Variants in CSMD1 observed in about 807,000 individuals in gnomAD.
The protein encoded by CSMD1 is CUB and sushi domain-containing protein 1.
CSMD1 carries 213 observed loss-of-function variants against 417.5 expected under a neutral mutation model. The observed-to-expected ratio is 0.51, with a 90% CI of 0.46 to 0.57. The LOEUF (loss-of-function observed/expected upper bound fraction) is 0.57. CSMD1 is among the 20% of genes least tolerant of loss of function. CSMD1 has a pLI of 0.00. For missense variants in CSMD1, 6,923 were observed against 4,529.7 expected (o/e 1.53, Z -15.17); for synonymous variants, 2,862 against 1,736.8 (o/e 1.65, Z -16.11).
intron 1 of CSMD1, among the ~76,000 whole-genome samples, chr8:4,742,590 T>C (rs528648539): frequency 2.0e-5 from 3 of 152,270 alleles, no homozygotes; most frequent in African/African-American, 7.2e-5. Flanking sequence ...TAGCCATTAT[T>C]ATTTGTAAGT....
intron 3 of CSMD1, among the ~76,000 whole-genome samples, chr8:4,286,969 A>G (rs999623867): frequency 6.6e-6 from 1 of 152,218 alleles, no homozygotes; most frequent in Non-Finnish European, 1.5e-5. Flanking sequence ...CAGCTGAAGG[A>G]GGCTGACATC....
rs1007841335 is a variant in CSMD1 at position 3,091,406 on chromosome 8, A to C, written c.7285+110T>G. The C allele has an allele frequency of 3.4e-5, 25 of 739,154 alleles. No homozygotes were observed. The Admixed American group carries it at 6.1e-4, about 18-fold the overall frequency. The allele number at this position is 739,154 out of a possible 1,614,324, so 45.8% of individuals were successfully genotyped here. ...ATATTTCTACTGTAGTTAATTATTA[A>C]TCTTTAAGAATTAGGATTATACTAT... is the stretch of plus-strand genomic sequence containing the variant. On this transcript the variant is annotated intron_variant, in intron 48 of 69. Transcript: ENST00000635120.
chr8:3,599,125 C>CTGTGTGTGTGTGTG (rs143211609), intron 8 of CSMD1, among the ~76,000 whole-genome samples: 30 of 144,606 alleles, frequency 2.1e-4, no homozygotes, highest in African/African-American at 7.1e-4. Context: ...TTGCTTACTG[C>CTGTGTGTGTGTGTG]TGTGTGTGTG....
intron 5 of CSMD1, among the ~76,000 whole-genome samples, chr8:3,971,656 G>A (rs1309762089): frequency 6.6e-6 from 1 of 152,174 alleles, no homozygotes; most frequent in South Asian, 2.1e-4. Context: ...ATCCTGATCC[G>A]TGTGGAACAT....
intron 7 of CSMD1, among the ~76,000 whole-genome samples, chr8:3,667,316 A>T (rs1798745117): frequency 6.6e-6 from 1 of 152,152 alleles, no homozygotes; most frequent in Non-Finnish European, 1.5e-5. Flanking sequence ...AGATAAAAAG[A>T]GAGTGAAGGG....
intron 3 of CSMD1, among the ~76,000 whole-genome samples, chr8:4,205,661 T>C (rs1485863160): frequency 6.6e-6 from 1 of 151,998 alleles, no homozygotes; most frequent in Non-Finnish European, 1.5e-5. Flanking sequence ...GTAACGGCTG[T>C]TGTGGCTCAT....
chr8:3,367,360 G>C (rs1485131141), intron 19 of CSMD1, 113 bp from the exon 20 acceptor site: 3 of 667,058 alleles, frequency 4.5e-6, no homozygotes, highest in Non-Finnish European at 7.8e-6. Flanking sequence ...GACAGAGATG[G>C]AGAGGAAGAG....
intron 3 of CSMD1, among the ~76,000 whole-genome samples, chr8:4,257,266 C>T (rs926195387): frequency 2.6e-5 from 4 of 152,128 alleles, no homozygotes; most frequent in African/African-American, 9.7e-5. Context: ...TTATACCAGT[C>T]TTTCTGTACC....
chr8:4,647,489 T>C (rs1279893203), intron 1 of CSMD1, among the ~76,000 whole-genome samples: 30 of 129,922 alleles, frequency 2.3e-4, no homozygotes, highest in African/African-American at 8.1e-4. Flanking sequence ...TGTGCCATGG[T>C]GGTTTGTTAC....
intron 2 of CSMD1, among the ~76,000 whole-genome samples, chr8:4,444,038 T>C (rs1002719440): frequency 6.6e-6 from 1 of 151,996 alleles, no homozygotes; most frequent in African/African-American, 2.4e-5. Context: ...CACACTATCT[T>C]TGAGAAGAGT....
At chr8:4,514,620 G>A (rs572147379) in intron 2 of CSMD1, among the ~76,000 whole-genome samples, 1 of 152,238 alleles carries the variant, frequency 6.6e-6, no homozygotes, top group African/African-American at 2.4e-5. Flanking sequence ...GGTTTTTAAA[G>A]TTTTTATAAA....
At chr8:4,297,500 C>A (rs1225268224) in intron 3 of CSMD1, among the ~76,000 whole-genome samples, 1 of 152,164 alleles carries the variant, frequency 6.6e-6, no homozygotes, top group Non-Finnish European at 1.5e-5. Flanking sequence ...AAGTTACATT[C>A]AGGCCATTTT....
At position 4,923,423 on chromosome 8, in the gene CSMD1, G is replaced by A. The variant is rs183270185; in HGVS notation, c.85+70909C>T. Among the ~76,000 whole-genome samples the A allele has an allele frequency of 2.5e-3, 374 of 152,200 alleles. 1 individual carries two copies. The highest frequency in any genetic ancestry group is 4.1e-3 in the Non-Finnish European group (276 of 68,002). ...TACTCAAAGGATAAATGTTGGAGGG[G>A]ATGGATATACATTCTCCATGGTGTG... On this transcript the variant is annotated intron_variant, in intron 1 of 69. Coordinates refer to ENST00000635120, the MANE Select transcript of CSMD1 (RefSeq NM_033225.6).
chr8:2,973,029 G>C (rs2128933401), intron 57 of CSMD1, 88 bp downstream of exon 57: 1 of 1,292,442 alleles, frequency 7.7e-7, no homozygotes. Flanking sequence ...CAAACCTCTA[G>C]AATTTTTGTA....
rs1262857858 is a variant in CSMD1, at chr8:3,772,364, C to CATATATACATATATTT, written c.819-18323_819-18322insAAATATATGTATATAT. Among the ~76,000 whole-genome samples, 51 of 107,556 alleles carry CATATATACATATATTT rather than the reference C, an allele frequency of 4.7e-4. 7 individuals are homozygous for CATATATACATATATTT. Among genetic ancestry groups the CATATATACATATATTT allele is most frequent in the Non-Finnish European group, 7.8e-4 (41 of 52,268 alleles). 70.6% of individuals were successfully genotyped at this position (107,556 alleles called of 152,430 possible). ...ACATATATACATATATTTATATATA[C>CATATATACATATATTT]ATATATACATATATTCATATATTTA... On this transcript the variant is annotated intron_variant, in intron 5 of 69. Transcript: ENST00000635120.
chr8:4,697,324 T>G (rs186777741), intron 1 of CSMD1, among the ~76,000 whole-genome samples: 17 of 152,276 alleles, frequency 1.1e-4, no homozygotes, highest in Admixed American at 9.8e-4. Context: ...ATTGCCCTTC[T>G]CACCAAAAGT....
chr8:3,774,119 C>G (rs1165148064), intron 5 of CSMD1, among the ~76,000 whole-genome samples: 1 of 152,180 alleles, frequency 6.6e-6, no homozygotes, highest in East Asian at 1.9e-4. Flanking sequence ...CCCATTCCCT[C>G]TTAGGTTTGA....
At chr8:4,160,761 C>A (rs573826613) in intron 3 of CSMD1, among the ~76,000 whole-genome samples, 147 of 152,300 alleles carry the variant, frequency 9.7e-4, no homozygotes, top group African/African-American at 3.4e-3. Flanking sequence ...TTTACTCAGT[C>A]ACACTTGGAT....
At chr8:4,941,392 CTAAGA>C (rs1392707346) in intron 1 of CSMD1, among the ~76,000 whole-genome samples, 1 of 152,052 alleles carries the variant, frequency 6.6e-6, no homozygotes, top group Non-Finnish European at 1.5e-5. Flanking sequence ...TTTTGATGGT[CTAAGA>C]TATTTGTGAC....
Sources: gnomAD v4.1 joint callset for allele counts (sites outside exome capture counted in the v4.1 genomes callset) on GRCh38, gnomAD v4.1.1 for gene constraint, MANE v1.5 for transcripts, NCBI Gene and HGNC (gene_info 2026-07-23, HGNC 2026-07-21) for gene names.